The following GSE1 variants were observed in gnomAD, a reference collection of about 807,000 sequenced individuals.
GSE1 encodes the protein genetic suppressor element 1.
A neutral mutation model predicts 112.6 loss-of-function variants in GSE1; 32 were observed. That is an observed-to-expected ratio of 0.28 (90% CI 0.21 to 0.38). The LOEUF (loss-of-function observed/expected upper bound fraction) is 0.38. GSE1 is among the 10% of genes least tolerant of loss of function. GSE1 has a pLI of 1.00. For missense variants in GSE1, 2,348 were observed against 1,699.2 expected, an observed-to-expected ratio of 1.38 and a Z score of -6.71; for synonymous variants, 1,115 against 735.6, an observed-to-expected ratio of 1.52 and a Z score of -8.35.
chr16:85,420,208 G>A (rs138708429), intron 2 of GSE1, among the ~76,000 whole-genome samples: 1,790 of 152,156 alleles, frequency 0.012, 16 homozygotes, highest in Non-Finnish European at 0.021. Context: ...GCAACACAGC[G>A]AGACCCCATT....
chr16:85,192,570 CTG>C (rs1381114755), intron 1 of GSE1, among the ~76,000 whole-genome samples: 1 of 152,198 alleles, frequency 6.6e-6, no homozygotes, highest in Non-Finnish European at 1.5e-5. Context: ...TGGACCTCAT[CTG>C]TGCTTCTGCT....
chr16:85,516,105 C>T (rs2051926241), intron 2 of GSE1, among the ~76,000 whole-genome samples: 2 of 152,214 alleles, frequency 1.3e-5, no homozygotes, highest in African/African-American at 2.4e-5. Context: ...CTTGACAGAG[C>T]TTCCCCAGAG....
intron 3 of GSE1, 71 bp from the exon 4 acceptor site, chr16:85,654,207 G>A: frequency 1.4e-6 from 2 of 1,398,274 alleles, no homozygotes; most frequent in Non-Finnish European, 2.0e-6. Context: ...TGAGTCAGGA[G>A]ACCTGGCTGT....
chr16:85,262,712 C>T (rs572170763), intron 1 of GSE1, among the ~76,000 whole-genome samples: 3 of 152,330 alleles, frequency 2.0e-5, no homozygotes, highest in Admixed American at 6.5e-5. Context: ...TGTGACCTTG[C>T]ACAAGTTCTG....
chr16:85,401,376 C>A (rs2048111096), intron 2 of GSE1, among the ~76,000 whole-genome samples: 1 of 147,906 alleles, frequency 6.8e-6, no homozygotes, highest in African/African-American at 2.5e-5. Flanking sequence ...GTGGGTGGGG[C>A]ACCAGGGGTG....
intron 2 of GSE1, among the ~76,000 whole-genome samples, chr16:85,542,196 G>C (rs988132218): frequency 5.9e-5 from 9 of 152,222 alleles, no homozygotes; most frequent in Admixed American, 2.0e-4. Context: ...TGCGGGGAGG[G>C]TGTGAACCCA....
intron 13 of GSE1, among the ~76,000 whole-genome samples, chr16:85,667,446 C>T (rs1183404689): frequency 6.6e-6 from 1 of 152,224 alleles, no homozygotes; most frequent in Non-Finnish European, 1.5e-5. Flanking sequence ...AAACGGGGCA[C>T]AATGAGGCTG....
intron 1 of GSE1, among the ~76,000 whole-genome samples, chr16:85,256,585 G>T (rs555396453): frequency 6.6e-6 from 1 of 152,220 alleles, no homozygotes; most frequent in Non-Finnish European, 1.5e-5. Flanking sequence ...CCGGCCTCCC[G>T]GCCTTGGCTT....
At chr16:85,517,812 A>G (rs1035403461) in intron 2 of GSE1, among the ~76,000 whole-genome samples, 1 of 152,266 alleles carries the variant, frequency 6.6e-6, no homozygotes, top group Non-Finnish European at 1.5e-5. Flanking sequence ...ATGGCCTCAC[A>G]TGCTGTGCGG....
At chr16:85,453,990 G>A (rs1273072059) in intron 2 of GSE1, among the ~76,000 whole-genome samples, 1 of 152,150 alleles carries the variant, frequency 6.6e-6, no homozygotes, top group Non-Finnish European at 1.5e-5. Flanking sequence ...CCAGGAAGGA[G>A]ACTTGGGGGC....
chr16:85,625,549 C>T (rs115699663), intron 1 of GSE1, among the ~76,000 whole-genome samples: 3,555 of 152,306 alleles, frequency 0.023, 78 homozygotes, highest in African/African-American at 0.057. Context: ...TTGCACTGTC[C>T]AATGCTGTTG....
At chr16:85,262,859 G>A (rs569406201) in intron 1 of GSE1, among the ~76,000 whole-genome samples, 157 of 152,320 alleles carry the variant, frequency 1.0e-3, no homozygotes, top group African/African-American at 3.6e-3. Context: ...GCGAGCCTCT[G>A]GGTTCCTCCA....
chr16:85,495,339 G>A (rs932564991), intron 2 of GSE1, among the ~76,000 whole-genome samples: 1 of 152,158 alleles, frequency 6.6e-6, no homozygotes, highest in East Asian at 1.9e-4. Context: ...GGTAGCGGCA[G>A]CGTGAGCCCT....
chr16:85,220,258 T>G (rs2075368779), intron 1 of GSE1, among the ~76,000 whole-genome samples: 1 of 152,162 alleles, frequency 6.6e-6, no homozygotes, highest in Non-Finnish European at 1.5e-5. Flanking sequence ...AAATGGCACT[T>G]GGTTTCAGTT....
At chr16:85,342,729 T>TA (rs1477535378) in intron 1 of GSE1, among the ~76,000 whole-genome samples, 1 of 152,042 alleles carries the variant, frequency 6.6e-6, no homozygotes, top group African/African-American at 2.4e-5. Context: ...CCCTAAGGAT[T>TA]AGCTGTTCAT....
chr16:85,414,497 A>G (rs2048658768), intron 2 of GSE1, among the ~76,000 whole-genome samples: 1 of 152,222 alleles, frequency 6.6e-6, no homozygotes, highest in Non-Finnish European at 1.5e-5. Context: ...GACCCACAGA[A>G]TGACATCGCC....
chr16:85,645,757 G>A lies in GSE1; in HGVS notation c.227-2795G>A, dbSNP rs544875030. Among the ~76,000 whole-genome samples, 20 of 152,342 alleles carry A rather than the reference G, an allele frequency of 1.3e-4. No individual in the cohort carries two copies. The South Asian group carries it at 3.3e-3, about 25-fold the overall frequency. On this transcript the variant is annotated intron_variant, in intron 2 of 15. Transcript: ENST00000253458. ...CTGAACAGAAGTCGGGCAGGATGCC[G>A]GGAGCTGATGGGCTGGGGTCCTCCT... is the stretch of plus-strand genomic sequence containing the variant.
At chr16:85,170,309 A>T in exon 1 of GSE1, 1 of 985,518 alleles carries the variant, frequency 1.0e-6, no homozygotes, top group Non-Finnish European at 1.2e-6. Flanking sequence ...GTTGGGAGGC[A>T]CTGGGTTCCC....
At chr16:85,486,860 C>G (rs946114399) in intron 2 of GSE1, among the ~76,000 whole-genome samples, 1 of 152,184 alleles carries the variant, frequency 6.6e-6, no homozygotes, top group African/African-American at 2.4e-5. Flanking sequence ...GTGCTCAGTG[C>G]GCATTTCTTG....
Sources: gnomAD v4.1 joint callset for allele counts (sites outside exome capture counted in the v4.1 genomes callset) on GRCh38, gnomAD v4.1.1 for gene constraint, MANE v1.5 for transcripts, NCBI Gene and HGNC (gene_info 2026-07-23, HGNC 2026-07-21) for gene names.